The following C8orf89 variants were observed in gnomAD, a reference collection of about 807,000 sequenced individuals.
The protein encoded by C8orf89 is putative uncharacterized protein C8orf89.
A neutral mutation model predicts 15.8 loss-of-function variants in C8orf89; 14 were observed. That is an observed-to-expected ratio of 0.89 (90% CI 0.59 to 1.39). The LOEUF (loss-of-function observed/expected upper bound fraction) is 1.39, where lower values mean the gene tolerates loss of function less well. Ranked by LOEUF, C8orf89 falls within the 40% of genes most tolerant of loss-of-function variation. The pLI, the probability that C8orf89 is intolerant of heterozygous loss-of-function variation, is 0.00. For synonymous variants in C8orf89, 55 were observed against 62.2 expected (o/e 0.88, Z 0.54); for missense variants, 181 against 184.5 (o/e 0.98, Z 0.11).
the C8orf89 span, among the ~76,000 whole-genome samples, chr8:73,273,351 C>T: frequency 6.6e-6 from 1 of 152,232 alleles, no homozygotes; most frequent in South Asian, 2.1e-4. Flanking sequence ...CCTGGCCTCT[C>T]CCAGCTCCCA....
chr8:73,260,374 C>T (rs965850988), upstream of C8orf89, among the ~76,000 whole-genome samples: 3 of 151,234 alleles, frequency 2.0e-5, no homozygotes, highest in African/African-American at 7.3e-5. Context: ...ACATCACACC[C>T]TGGGGCCTGT....
the C8orf89 span, among the ~76,000 whole-genome samples, chr8:73,273,002 A>G: frequency 1.3e-5 from 2 of 152,334 alleles, no homozygotes; most frequent in East Asian, 3.9e-4. Flanking sequence ...CTATAATGCC[A>G]AGGAAAAAGG....
Position 73,259,330 on chromosome 8 carries a change from A to G in C8orf89, c.127+2T>C, listed in dbSNP as rs1300436103. 1 of 1,481,706 alleles carries G rather than the reference A, an allele frequency of 6.7e-7. No individual in the cohort carries two copies. The highest frequency in any genetic ancestry group is 1.3e-5 in the South Asian group (1 of 79,130). The allele number at this position is 1,481,706 out of a possible 1,614,324, so 91.8% of individuals were successfully genotyped here. A position where few individuals can be genotyped will look rare whatever the true frequency, so the allele number is the denominator to read the frequency against. ...TAAGGAAAATAATAACAATAAAGTT[A>G]CCTTTCTTAATCTTTTGTGTTTCTA... On this transcript the variant is annotated splice_donor_variant, in intron 1 of 3. Transcript: ENST00000624510. LOFTEE classifies it high-confidence loss of function.
chr8:73,280,310 C>T, the C8orf89 span, among the ~76,000 whole-genome samples: 10 of 152,364 alleles, frequency 6.6e-5, no homozygotes, highest in African/African-American at 2.4e-4. Flanking sequence ...CCAGCTCAGT[C>T]TGCCACATTG....
upstream of C8orf89, among the ~76,000 whole-genome samples, chr8:73,262,271 G>A (rs778154708): frequency 6.6e-5 from 10 of 152,090 alleles, no homozygotes; most frequent in Non-Finnish European, 1.5e-4. Context: ...TAGGACAGAA[G>A]AGGCCATCAG....
the C8orf89 span, among the ~76,000 whole-genome samples, chr8:73,283,956 C>G: frequency 1.3e-5 from 2 of 151,516 alleles, no homozygotes; most frequent in Non-Finnish European, 2.9e-5. Flanking sequence ...GGCAGGAGAA[C>G]TGCTTGAACC....
chr8:73,248,674 T>C (rs937715577), intron 3 of C8orf89, among the ~76,000 whole-genome samples: 2 of 152,182 alleles, frequency 1.3e-5, no homozygotes, highest in Non-Finnish European at 2.9e-5. Flanking sequence ...TTAGCTGTAT[T>C]CCTAGGTATA....
the C8orf89 span, among the ~76,000 whole-genome samples, chr8:73,273,056 T>C: frequency 3.9e-3 from 593 of 152,344 alleles, 3 homozygotes; most frequent in Non-Finnish European, 6.6e-3. Flanking sequence ...GTTTTCAGAA[T>C]TTTGTTCAAA....
Position 73,257,001 on chromosome 8 carries a change from G to A in C8orf89, c.253C>T (p.Arg85Cys), listed in dbSNP as rs138205647. ...ACTGCAGACACCTCGGCATCAGCAC[G>A]TGGCAGTCTTTTAGGAACCTCTAGT... The part of the protein sequence containing the change: ...TPLEVPKRLP[R>C]ADAEVSAVRL... Residue 85 changes from arginine (R) to cysteine (C), a missense_variant, in exon 2 of 4, where the codon CGT becomes TGT. Transcript: ENST00000624510. 2.5e-4 allele frequency: 381 copies of A among 1,535,156 alleles called. 2 individuals carry two copies. In the African/African-American group the frequency reaches 4.6e-3, roughly 19 times the overall value.
the C8orf89 span, among the ~76,000 whole-genome samples, chr8:73,264,703 C>T: frequency 6.6e-6 from 1 of 152,136 alleles, no homozygotes; most frequent in Non-Finnish European, 1.5e-5. Context: ...GTTGACCAGG[C>T]TGGTCTCAAA....
the C8orf89 span, among the ~76,000 whole-genome samples, chr8:73,284,517 CCAT>C: frequency 6.6e-6 from 1 of 151,748 alleles, no homozygotes; most frequent in Non-Finnish European, 1.5e-5. Flanking sequence ...CTGGCCCGCT[CCAT>C]CATAAGTGAA....
At chr8:73,261,579 GTTA>G (rs1450675807), upstream of C8orf89, among the ~76,000 whole-genome samples, 2 of 152,186 alleles carry the variant, frequency 1.3e-5, no homozygotes, top group Admixed American at 1.3e-4. Flanking sequence ...ATCCTGGAAA[GTTA>G]TTTATTACAA....
chr8:73,278,651 C>A, the C8orf89 span, among the ~76,000 whole-genome samples: 1 of 152,194 alleles, frequency 6.6e-6, no homozygotes, highest in Non-Finnish European at 1.5e-5. Flanking sequence ...CCATAGTCTA[C>A]ATGTTTTGAT....
At position 73,259,423 on chromosome 8, in the gene C8orf89, A is replaced by G; in HGVS notation, c.36T>C (p.Thr12=). 1.3e-6 allele frequency: 2 copies of G among 1,534,492 alleles called. No individual in the cohort carries two copies. Among genetic ancestry groups the G allele is most frequent in the Non-Finnish European group, 1.7e-6 (2 of 1,146,062 alleles). Residue 12 remains threonine, a synonymous_variant, in exon 1 of 4, where the codon ACT becomes ACC. Coordinates refer to ENST00000624510, the MANE Select transcript of C8orf89 (RefSeq NM_001243237.3). ...CAAAGGAACTTCTGGTGAATTTAGA[A>G]GTCTCACATTTGATTTCAGGAGATA... ...SVLSPEIKCE[T]SKFTRSSFGS... is the part of the protein sequence containing the mutation.
chr8:73,274,214 C>G, the C8orf89 span, among the ~76,000 whole-genome samples: 2 of 151,892 alleles, frequency 1.3e-5, no homozygotes, highest in African/African-American at 4.8e-5. Context: ...AGTGCAGTGG[C>G]GCGATCTCAG....
the C8orf89 span, among the ~76,000 whole-genome samples, chr8:73,278,475 A>G: frequency 6.6e-6 from 1 of 151,954 alleles, no homozygotes; most frequent in Non-Finnish European, 1.5e-5. Context: ...GGGCCAAACC[A>G]CCTGGCCCCA....
At chr8:73,258,998 TTGAGTTATTTAAAAGAAAA>T (rs539028445) in intron 1 of C8orf89, among the ~76,000 whole-genome samples, 96 of 152,276 alleles carry the variant, frequency 6.3e-4, no homozygotes, top group African/African-American at 2.2e-3. Flanking sequence ...AAAAATCACC[TTGAGTTATTTAAAAGAAAA>T]TGCCATTTAT....
At chr8:73,254,913 A>G (rs904852678) in intron 2 of C8orf89, among the ~76,000 whole-genome samples, 1 of 152,236 alleles carries the variant, frequency 6.6e-6, no homozygotes, top group Admixed American at 6.5e-5. Context: ...CTGGCTAGCC[A>G]TATGTAGAAA....
intron 3 of C8orf89, among the ~76,000 whole-genome samples, chr8:73,245,874 A>C (rs1484701491): frequency 6.6e-6 from 1 of 152,230 alleles, no homozygotes; most frequent in Non-Finnish European, 1.5e-5. Context: ...AATTTTATAA[A>C]TGAATTTCCT....
Sources: allele counts gnomAD v4.1 joint callset (sites outside exome capture counted in the v4.1 genomes callset), GRCh38; gene constraint gnomAD v4.1.1; transcripts MANE v1.5; gene names NCBI Gene and HGNC (gene_info 2026-07-23, HGNC 2026-07-21).